The following RFC3 variants were observed in gnomAD, a reference collection of about 807,000 sequenced individuals.
RFC3 encodes the protein replication factor C subunit 3.
Under a neutral mutation model 45.1 loss-of-function variants are expected in RFC3, and 41 were observed. The observed-to-expected ratio is 0.91, with a 90% CI of 0.71 to 1.18. RFC3 has a LOEUF of 1.18. RFC3 is among the 50% of genes most tolerant of loss of function. RFC3 has a pLI of 0.00. For missense variants in RFC3, 423 were observed against 428.1 expected, an observed-to-expected ratio of 0.99 and a Z score of 0.10; for synonymous variants, 149 against 144.0, an observed-to-expected ratio of 1.03 and a Z score of -0.25.
intron 8 of RFC3, among the ~76,000 whole-genome samples, chr13:33,958,169 T>C (rs959158394): frequency 1.3e-5 from 2 of 152,052 alleles, no homozygotes; most frequent in Non-Finnish European, 2.9e-5. Flanking sequence ...GACATCAAAG[T>C]AGGTCTCAGA....
At chr13:33,824,888 G>A (rs560539484) in intron 3 of RFC3, among the ~76,000 whole-genome samples, 1 of 152,244 alleles carries the variant, frequency 6.6e-6, no homozygotes, top group East Asian at 1.9e-4. Flanking sequence ...AAGAAACAAA[G>A]GGAATGTTAA....
chr13:33,831,275 C>A lies in RFC3; in HGVS notation c.730C>A (p.Gln244Lys), dbSNP rs564032704. ...ATGTAGATATCCTTTTACTGCAGAT[C>A]AAGAAATCCCTGAGACAGATTGGGA... ...RVQQYPFTAD[Q>K]EIPETDWEVY... is the part of the protein sequence containing the mutation. Residue 244 changes from glutamine (Q) to lysine (K), a missense_variant, in exon 7 of 9, where the codon CAA becomes AAA. Transcript: ENST00000380071. 1.2e-6 allele frequency: 2 copies of A among 1,605,034 alleles called. No homozygotes were observed. Among genetic ancestry groups the A allele is most frequent in the African/African-American group, 1.3e-5 (1 of 74,846 alleles).
At chr13:33,856,181 TG>T (rs1214358017) in intron 8 of RFC3, among the ~76,000 whole-genome samples, 3 of 152,208 alleles carry the variant, frequency 2.0e-5, no homozygotes, top group African/African-American at 7.2e-5. Flanking sequence ...CAATGTCCTT[TG>T]CAGCAACACA....
intron 8 of RFC3, among the ~76,000 whole-genome samples, chr13:33,900,594 T>C (rs1013712645): frequency 6.6e-6 from 1 of 151,830 alleles, no homozygotes; most frequent in Non-Finnish European, 1.5e-5. Context: ...AAGAAAACTC[T>C]GGGGAAACAC....
At chr13:33,935,291 C>T (rs1172671718) in intron 8 of RFC3, among the ~76,000 whole-genome samples, 1 of 152,092 alleles carries the variant, frequency 6.6e-6, no homozygotes, top group East Asian at 1.9e-4. Flanking sequence ...CCAAAAGTCT[C>T]TTTGACATTG....
chr13:33,945,045 G>C (rs1020755754), intron 8 of RFC3, among the ~76,000 whole-genome samples: 2 of 152,060 alleles, frequency 1.3e-5, no homozygotes, highest in African/African-American at 4.8e-5. Flanking sequence ...CTCAGATCCC[G>C]GCTAATCTGT....
rs960447288 is a variant in RFC3 at position 33,818,325 on chromosome 13, G to GC, written c.87+66dup. 221 of 1,415,848 alleles carry GC rather than the reference G, an allele frequency of 1.6e-4. 2 individuals carry two copies. The African/African-American group carries it at 2.7e-3, about 17-fold the overall frequency. The allele number at this position is 1,415,848 out of a possible 1,614,324, so 87.7% of individuals were successfully genotyped here. ...GAGGCCCCCCGGCTCGGGGTTTCGC[G>GC]CCCCCCTGAGGAGCAGTGCTTCTCC... is the stretch of plus-strand genomic sequence containing the variant. On this transcript the variant is annotated intron_variant, in intron 1 of 8. Coordinates refer to ENST00000380071, the MANE Select transcript of RFC3 (RefSeq NM_002915.4).
chr13:33,882,817 A>G (rs1037396495), intron 8 of RFC3, among the ~76,000 whole-genome samples: 7 of 152,226 alleles, frequency 4.6e-5, no homozygotes, highest in Admixed American at 2.0e-4. Context: ...CTAATCTCTC[A>G]TCATTCTAAT....
intron 8 of RFC3, among the ~76,000 whole-genome samples, chr13:33,885,425 GT>G (rs2082514543): frequency 6.6e-6 from 1 of 151,782 alleles, no homozygotes; most frequent in South Asian, 2.1e-4. Flanking sequence ...GGCTTTTACT[GT>G]AACCATCACC....
intron 8 of RFC3, among the ~76,000 whole-genome samples, chr13:33,965,850 C>T (rs2083085023): frequency 1.3e-5 from 2 of 152,164 alleles, no homozygotes; most frequent in African/African-American, 4.8e-5. Flanking sequence ...GACATATGCC[C>T]TCAGCTTGAC....
At chr13:33,958,265 G>T (rs2137853945) in intron 8 of RFC3, among the ~76,000 whole-genome samples, 2 of 152,350 alleles carry the variant, frequency 1.3e-5, no homozygotes, top group East Asian at 1.9e-4. Context: ...CAAAGGCCTT[G>T]AGGTGGGAAT....
At chr13:33,926,238 T>C (rs2082812379) in intron 8 of RFC3, among the ~76,000 whole-genome samples, 2 of 149,466 alleles carry the variant, frequency 1.3e-5, no homozygotes, top group Admixed American at 6.6e-5. Flanking sequence ...GGGATAGCAC[T>C]GGGAGATATA....
At chr13:33,969,962 C>T (rs1403217790), downstream of RFC3, among the ~76,000 whole-genome samples, 6 of 146,768 alleles carry the variant, frequency 4.1e-5, no homozygotes, top group South Asian at 2.2e-4. Context: ...GGTACATGTA[C>T]GGGATGTGCA....
At chr13:33,976,701 A>C in the RFC3 span, among the ~76,000 whole-genome samples, 42 of 152,270 alleles carry the variant, frequency 2.8e-4, no homozygotes, top group East Asian at 6.6e-3. Flanking sequence ...ATTATATAGC[A>C]ATAAAAATAA....
At chr13:33,929,267 A>T (rs562708323) in intron 8 of RFC3, among the ~76,000 whole-genome samples, 2 of 152,152 alleles carry the variant, frequency 1.3e-5, no homozygotes, top group Non-Finnish European at 2.9e-5. Flanking sequence ...TTGCCAGAGT[A>T]GTTGATGTAT....
chr13:33,966,893 A>G (rs532359906), downstream of RFC3, among the ~76,000 whole-genome samples: 1 of 152,236 alleles, frequency 6.6e-6, no homozygotes, highest in South Asian at 2.1e-4. Flanking sequence ...GTGGTGGCTC[A>G]CACCCATAAT....
intron 8 of RFC3, among the ~76,000 whole-genome samples, chr13:33,903,396 GGTCATA>G (rs1439368558): frequency 6.6e-5 from 10 of 152,052 alleles, no homozygotes; most frequent in African/African-American, 2.2e-4. Flanking sequence ...CAGAAGCATA[GGTCATA>G]GTACAATGTA....
chr13:33,856,892 C>G (rs2082311681), intron 8 of RFC3, among the ~76,000 whole-genome samples: 1 of 152,106 alleles, frequency 6.6e-6, no homozygotes. Context: ...AGCTCCAGAC[C>G]CATTCCAGAG....
downstream of RFC3, among the ~76,000 whole-genome samples, chr13:33,968,285 A>C (rs142381549): frequency 3.1e-4 from 47 of 152,174 alleles, no homozygotes; most frequent in African/African-American, 1.1e-3. Flanking sequence ...GCGCCACTAC[A>C]CCTGGCTAAT....
Sources: gnomAD v4.1 joint callset for allele counts (sites outside exome capture counted in the v4.1 genomes callset) on GRCh38, gnomAD v4.1.1 for gene constraint, MANE v1.5 for transcripts, NCBI Gene and HGNC (gene_info 2026-07-23, HGNC 2026-07-21) for gene names.